TBATA: variants seen among roughly 807,000 people sequenced by gnomAD.
The protein encoded by TBATA is thymus, brain and testes associated, also known as protein TBATA.
A neutral mutation model predicts 38.7 loss-of-function variants in TBATA; 47 were observed. That is an observed-to-expected ratio of 1.21 (90% CI 0.96 to 1.55). The LOEUF (loss-of-function observed/expected upper bound fraction) is 1.55. Ranked by LOEUF, TBATA falls within the 40% of genes most tolerant of loss-of-function variation. The pLI is 0.00. For synonymous variants in TBATA, 183 were observed against 170.5 expected, an observed-to-expected ratio of 1.07 and a Z score of -0.57; for missense variants, 436 against 435.6, an observed-to-expected ratio of 1.00 and a Z score of -0.01.
chr10:70,781,706 G>A (rs1336492256), intron 4 of TBATA, 95 bp downstream of exon 4: 40 of 1,228,750 alleles, frequency 3.3e-5, no homozygotes, highest in Non-Finnish European at 1.2e-6. Flanking sequence ...CTGGGCCCCA[G>A]CCTGGAAATG....
rs1844496541 is a variant in TBATA, at chr10:70,783,357, G to T, written c.23C>A (p.Ala8Asp). The change falls in exon 3 of 11, where the codon GCT becomes GAT. Residue 8 changes from alanine to aspartate, a missense_variant. By Grantham distance (126) the Ala-to-Asp change is moderately radical. Transcript: ENST00000456372. ...GCCTCACCTCATCAGTGGATAATCA[G>T]CCAATTGAACATCTGTAGCCATTGT... MATDVQLADYPLMSPKAE... is the reference protein window; with the variant it reads MATDVQLDDYPLMSPKAE... The T allele has an allele frequency of 1.2e-6, 2 of 1,614,032 alleles. No individual in the cohort carries two copies. Among genetic ancestry groups the T allele is most frequent in the Admixed American group, 1.7e-5 (1 of 60,004 alleles).
At chr10:70,782,171 AC>A (rs1844301190) in intron 3 of TBATA, 135 bp from the exon 4 acceptor site, 10 of 1,232,774 alleles carry the variant, frequency 8.1e-6, no homozygotes, top group African/African-American at 4.5e-5. Context: ...TTTCACCACC[AC>A]CCCCATAGCA....
rs11448882 is a variant in TBATA at position 70,773,465 on chromosome 10, G to GGC, written c.920+747_920+748insGC. On this transcript the variant is annotated intron_variant, in intron 9 of 10. Coordinates refer to ENST00000456372, the MANE Select transcript of TBATA (RefSeq NM_001318241.2). ...ACTCAGGTGACTGTTAAAAATACAG[G>GGC]CCCCCCCGGCTTCACCCCGGCCTGC... Among the ~76,000 whole-genome samples the GGC allele has an allele frequency of 9.3e-5, 14 of 150,322 alleles. No individual in the cohort carries two copies. The South Asian group carries it at 1.3e-3, about 14-fold the overall frequency.
intron 7 of TBATA, among the ~76,000 whole-genome samples, chr10:70,776,022 C>T (rs577846744): frequency 6.6e-6 from 1 of 152,370 alleles, no homozygotes; most frequent in South Asian, 2.1e-4. Context: ...CTAGGCCAGA[C>T]TGCTGCTGGT....
chr10:70,783,118 C>T (rs953996761), intron 3 of TBATA, among the ~76,000 whole-genome samples: 16 of 152,386 alleles, frequency 1.0e-4, no homozygotes, highest in African/African-American at 3.8e-4. Flanking sequence ...CTGGCACCCG[C>T]TCAAGTCTTT....
intron 7 of TBATA, chr10:70,776,234 G>T (rs1286276500): frequency 2.4e-6 from 1 of 413,724 alleles, no homozygotes; most frequent in Non-Finnish European, 4.9e-6. Context: ...GCCTGCTTAG[G>T]GGTCCACCCT....
intron 7 of TBATA, chr10:70,776,533 G>A: frequency 5.0e-6 from 2 of 396,558 alleles, no homozygotes; most frequent in South Asian, 1.8e-5. Flanking sequence ...TTGCTGCATT[G>A]TGGTAAGGTT....
intron 4 of TBATA, among the ~76,000 whole-genome samples, chr10:70,781,154 C>A (rs1040968357): frequency 1.3e-5 from 2 of 152,218 alleles, no homozygotes; most frequent in East Asian, 1.9e-4. Context: ...AGAGTGGGAG[C>A]GCTCTTGCCT....
Position 70,779,625 on chromosome 10 carries a change from G to C in TBATA, c.395C>G (p.Pro132Arg). 6.6e-7 allele frequency: 1 copy of C among 1,525,854 alleles called. No individual in the cohort carries two copies. Among genetic ancestry groups the C allele is most frequent in the Non-Finnish European group, 8.7e-7 (1 of 1,144,554 alleles). 94.5% of individuals were successfully genotyped at this position (1,525,854 alleles called of 1,614,324 possible). A position where few individuals can be genotyped will look rare whatever the true frequency, so the allele number is the denominator to read the frequency against. Reference protein sequence around the residue: ...IPTISVPIGDPQSNRNPQLSS... With the variant: ...IPTISVPIGDRQSNRNPQLSS... The stretch of plus-strand genomic sequence containing the variant: ...AAGCTGGGGGTTCCGATTAGACTGT[G>C]GGTCTCCAATGGGGACAGAGATGGT... Residue 132 changes from proline to arginine, a missense_variant, in exon 5 of 11, where the codon CCA becomes CGA. Transcript: ENST00000456372.
intron 7 of TBATA, chr10:70,776,528 G>T: frequency 4.9e-6 from 2 of 404,598 alleles, no homozygotes; most frequent in South Asian, 3.5e-5. Flanking sequence ...CCACTTTGCT[G>T]CATTGTGGTA....
At chr10:70,772,417 C>T in intron 10 of TBATA, 97 bp downstream of exon 10, 1 of 1,106,290 alleles carries the variant, frequency 9.0e-7, no homozygotes, top group Admixed American at 1.7e-5. Context: ...CATCCTTGGG[C>T]AGGGACTCAT....
intron 5 of TBATA, among the ~76,000 whole-genome samples, chr10:70,779,322 G>A (rs925818979): frequency 6.6e-6 from 1 of 152,216 alleles, no homozygotes; most frequent in Non-Finnish European, 1.5e-5. Context: ...ATGACTGCAG[G>A]CTCAACATCT....
intron 9 of TBATA, among the ~76,000 whole-genome samples, chr10:70,773,602 G>A (rs1265669770): frequency 3.3e-5 from 5 of 152,260 alleles, no homozygotes; most frequent in South Asian, 4.2e-4. Flanking sequence ...CCCTTCTGCC[G>A]ACCAGTCAGG....
At chr10:70,775,326 A>C in intron 7 of TBATA, 56 bp from the exon 8 acceptor site, 1 of 1,512,712 alleles carries the variant, frequency 6.6e-7, no homozygotes. Flanking sequence ...GAGTACAGGC[A>C]AATGTAGGTT....
At chr10:70,771,587 C>T (rs1167518933) in intron 10 of TBATA, 126 bp from the exon 11 acceptor site, 5 of 846,656 alleles carry the variant, frequency 5.9e-6, no homozygotes, top group Non-Finnish European at 9.3e-6. Context: ...GCTCTCAGCT[C>T]TGCTGGTGAC....
intron 6 of TBATA, chr10:70,777,714 C>T (rs746837086): frequency 2.2e-4 from 89 of 397,930 alleles, no homozygotes; most frequent in Non-Finnish European, 2.4e-4. Context: ...TCCCCACACC[C>T]ATCAGAGATT....
At chr10:70,774,678 C>T (rs1391508147) in intron 8 of TBATA, among the ~76,000 whole-genome samples, 1 of 152,170 alleles carries the variant, frequency 6.6e-6, no homozygotes, top group Non-Finnish European at 1.5e-5. Flanking sequence ...TTCTCCTTCA[C>T]TCTCCTGTCC....
chr10:70,784,168 C>T (rs1362218650), intron 2 of TBATA, among the ~76,000 whole-genome samples: 1 of 152,070 alleles, frequency 6.6e-6, no homozygotes, highest in Non-Finnish European at 1.5e-5. Flanking sequence ...TGCGATAAAA[C>T]AGCAACAACA....
At chr10:70,778,692 C>T in intron 5 of TBATA, 56 bp from the exon 6 acceptor site, 2 of 1,491,630 alleles carry the variant, frequency 1.3e-6, no homozygotes, top group Non-Finnish European at 1.9e-6. Flanking sequence ...CCTCCCCTCC[C>T]TGTGCCACCA....
Sources: gnomAD v4.1 joint callset for allele counts (sites outside exome capture counted in the v4.1 genomes callset) on GRCh38, gnomAD v4.1.1 for gene constraint, MANE v1.5 for transcripts, NCBI Gene and HGNC (gene_info 2026-07-23, HGNC 2026-07-21) for gene names.